ZNF613: variants seen among roughly 807,000 people sequenced by gnomAD.
ZNF613 encodes the protein zinc finger protein 613.
In ZNF613, 8 loss-of-function variants were observed where a neutral mutation model predicts 14.3. That is an observed-to-expected ratio of 0.56 (90% CI 0.33 to 1.01). The LOEUF (loss-of-function observed/expected upper bound fraction) is 1.01. ZNF613 is among the 50% of genes least tolerant of loss of function. ZNF613 has a pLI of 0.03. For synonymous variants in ZNF613, 228 were observed against 254.5 expected (o/e 0.90, Z 0.99); for missense variants, 656 against 741.9 (o/e 0.88, Z 1.35).
At chr19:51,928,328 C>T (rs2085234864) in intron 1 of ZNF613, among the ~76,000 whole-genome samples, 1 of 152,094 alleles carries the variant, frequency 6.6e-6, no homozygotes, top group Non-Finnish European at 1.5e-5. Flanking sequence ...GGGGTGTGAC[C>T]ATGTTAGGGA....
At chr19:51,939,528 C>A (rs1568465706) in intron 3 of ZNF613, among the ~76,000 whole-genome samples, 1 of 151,658 alleles carries the variant, frequency 6.6e-6, no homozygotes, top group Non-Finnish European at 1.5e-5. Flanking sequence ...AGGGATTTCA[C>A]CATGTTGGGC....
At chr19:51,928,941 C>T (rs2085242041) in intron 1 of ZNF613, among the ~76,000 whole-genome samples, 1 of 151,744 alleles carries the variant, frequency 6.6e-6, no homozygotes, top group Non-Finnish European at 1.5e-5. Flanking sequence ...TAAAGATTTT[C>T]GTTCTTCTTC....
intron 3 of ZNF613, among the ~76,000 whole-genome samples, chr19:51,939,152 T>C (rs2085328224): frequency 6.6e-6 from 1 of 151,976 alleles, no homozygotes; most frequent in African/African-American, 2.4e-5. Context: ...GTCCTTTTGT[T>C]GCATTTTTGG....
intron 3 of ZNF613, 76 bp from the exon 4 acceptor site, chr19:51,940,133 C>T (rs2085335401): frequency 1.3e-6 from 2 of 1,556,132 alleles, no homozygotes; most frequent in African/African-American, 1.4e-5. Flanking sequence ...TAAAAATGAG[C>T]AGAACAATGT....
In ZNF613 at chr19:51,928,765, C is replaced by T. The variant is rs144177700; in HGVS notation, c.-358-967C>T. 9.6e-4 allele frequency among the ~76,000 whole-genome samples: 143 copies of T among 149,692 alleles called. 1 individual carries two copies. The East Asian group carries it at 0.022, about 23-fold the overall frequency. ...AGCTACTCGGGAGGCTGAGGTGGGA[C>T]GATCACGTGACCCCGGGAGTTCTAG... On this transcript the variant is annotated intron_variant, in intron 1 of 5. Transcript: ENST00000293471.
At position 51,940,727 on chromosome 19, in the gene ZNF613, G is replaced by T; in HGVS notation, c.235+18G>T. ...CTGTCCAGGTGAGTTCAGGGTGAGAGCCAGCAAGGAGGGTGGCTGAGCAAG... is the reference window on the plus strand; with the variant it reads ...CTGTCCAGGTGAGTTCAGGGTGAGATCCAGCAAGGAGGGTGGCTGAGCAAG... On this transcript the variant is annotated intron_variant, in intron 5 of 5. Transcript: ENST00000293471. The T allele has an allele frequency of 2.5e-6, 4 of 1,601,924 alleles. No individual in the cohort carries two copies. Among genetic ancestry groups the T allele is most frequent in the Non-Finnish European group, 3.4e-6 (4 of 1,173,322 alleles).
intron 2 of ZNF613, among the ~76,000 whole-genome samples, chr19:51,934,661 ACTC>A (rs1390984025): frequency 6.6e-6 from 1 of 152,098 alleles, no homozygotes; most frequent in East Asian, 1.9e-4. Flanking sequence ...CAGGAAATAT[ACTC>A]CTCCAGGGAA....
At position 51,938,725 on chromosome 19, in the gene ZNF613, G is replaced by GATATATATATATATATAT. The variant is rs113608259; in HGVS notation, c.16-1475_16-1458dup. 8.7e-3 allele frequency among the ~76,000 whole-genome samples: 1,034 copies of GATATATATATATATATAT among 118,432 alleles called. 28 individuals carry two copies. Among genetic ancestry groups the GATATATATATATATATAT allele is most frequent in the African/African-American group, 0.033 (809 of 24,748 alleles). The allele number at this position is 118,432 out of a possible 152,430, so 77.7% of individuals were successfully genotyped here. On this transcript the variant is annotated intron_variant, in intron 3 of 5. Coordinates refer to ENST00000293471, the MANE Select transcript of ZNF613 (RefSeq NM_001031721.4). ...AAAAGTAAGTATATAAATGTACATG[G>GATATATATATATATATAT]ATATATATATATATATATATATATA...
At chr19:51,939,256 C>T (rs970530861) in intron 3 of ZNF613, among the ~76,000 whole-genome samples, 16 of 151,708 alleles carry the variant, frequency 1.1e-4, no homozygotes, top group Non-Finnish European at 2.2e-4. Context: ...CTTCAAAACC[C>T]ATATGTGTGT....
intron 2 of ZNF613, among the ~76,000 whole-genome samples, chr19:51,934,177 T>C (rs2085288663): frequency 6.6e-6 from 1 of 152,190 alleles, no homozygotes; most frequent in African/African-American, 2.4e-5. Flanking sequence ...TCTGACCAAG[T>C]TTTTGTTTTT....
At chr19:51,941,674 G>A (rs948112562) in intron 5 of ZNF613, among the ~76,000 whole-genome samples, 1 of 151,968 alleles carries the variant, frequency 6.6e-6, no homozygotes, top group African/African-American at 2.4e-5. Flanking sequence ...TGTTCTCTAT[G>A]GAGATTCTCA....
In ZNF613 at chr19:51,944,153, C is replaced by T. The variant is rs373503019; in HGVS notation, c.270C>T (p.His90=). The T allele has an allele frequency of 7.8e-5, 121 of 1,546,768 alleles. No homozygotes were observed. The highest frequency in any genetic ancestry group is 9.8e-5 in the Non-Finnish European group (112 of 1,147,428). The change falls in exon 6 of 6, where the codon CAC becomes CAT. Residue 90 remains histidine (H), a synonymous_variant. Transcript: ENST00000293471. ...AAGTTGACAATCATCTACAGATGCA[C>T]TCACAAAAGCAAAGATGTCTGAAGA... ...IKKVDNHLQM[H]SQKQRCLKRV...
chr19:51,930,532 G>C lies in ZNF613; in HGVS notation c.-194+636G>C, dbSNP rs1266741060. On this transcript the variant is annotated intron_variant, in intron 2 of 5. Transcript: ENST00000293471. ...CCACCTCAGCCTCCCAAAGTGCTGA[G>C]ATTACAGGCGTGAGCCACTGCGCCC... Among the ~76,000 whole-genome samples, 3 of 152,218 alleles carry C rather than the reference G, an allele frequency of 2.0e-5. No individual in the cohort carries two copies. In the East Asian group the frequency reaches 5.8e-4, roughly 29 times the overall value.
At chr19:51,941,532 T>C (rs2085350579) in intron 5 of ZNF613, among the ~76,000 whole-genome samples, 1 of 152,190 alleles carries the variant, frequency 6.6e-6, no homozygotes, top group South Asian at 2.1e-4. Flanking sequence ...GTCTGTTGCT[T>C]TGCATATATT....
At chr19:51,941,039 C>T (rs1056001698) in intron 5 of ZNF613, among the ~76,000 whole-genome samples, 5 of 152,130 alleles carry the variant, frequency 3.3e-5, no homozygotes, top group African/African-American at 1.2e-4. Context: ...AAGCGATTCT[C>T]CTGCCTCTGT....
At chr19:51,943,992 C>T in intron 5 of ZNF613, 127 bp from the exon 6 acceptor site, 1 of 585,582 alleles carries the variant, frequency 1.7e-6, no homozygotes, top group Non-Finnish European at 2.7e-6. Context: ...TGACAATAGG[C>T]ATATCTACTT....
intron 2 of ZNF613, among the ~76,000 whole-genome samples, chr19:51,934,980 G>A (rs2085294540): frequency 6.6e-6 from 1 of 152,196 alleles, no homozygotes; most frequent in Non-Finnish European, 1.5e-5. Context: ...GGGAAGGGGA[G>A]CATTTGCAGC....
intron 4 of ZNF613, 132 bp from the exon 5 acceptor site, chr19:51,940,485 C>G: frequency 6.7e-7 from 1 of 1,489,888 alleles, no homozygotes; most frequent in Non-Finnish European, 9.2e-7. Context: ...TAATGTGCCC[C>G]CTTTAGAGGG....
chr19:51,935,706 C>G (rs1413610808), intron 2 of ZNF613, among the ~76,000 whole-genome samples: 2 of 152,172 alleles, frequency 1.3e-5, no homozygotes, highest in African/African-American at 4.8e-5. Context: ...CCTTCTCTGT[C>G]CTTTTTCTAA....
Sources: allele counts gnomAD v4.1 joint callset (sites outside exome capture counted in the v4.1 genomes callset), GRCh38; gene constraint gnomAD v4.1.1; transcripts MANE v1.5; gene names NCBI Gene and HGNC (gene_info 2026-07-23, HGNC 2026-07-21).